The following MDN1 variants were observed in gnomAD, a reference collection of about 807,000 sequenced individuals.
MDN1 encodes the protein midasin.
In MDN1, 266 loss-of-function variants were observed where a neutral mutation model predicts 669.2. That is an observed-to-expected ratio of 0.40 (90% confidence interval 0.36 to 0.44). The LOEUF is 0.44. Among genes scored for constraint, MDN1 ranks in the 20% least tolerant of loss-of-function variants. The pLI, the probability that MDN1 is intolerant of heterozygous loss-of-function variation, is 1.00. For synonymous variants in MDN1, 2,385 were observed against 2,457.1 expected (o/e 0.97, Z 0.87); for missense variants, 5,940 against 6,754.0 (o/e 0.88, Z 4.22).
At chr6:89,791,715 T>C (rs1019106698) in intron 5 of MDN1, among the ~76,000 whole-genome samples, 2 of 152,098 alleles carry the variant, frequency 1.3e-5, no homozygotes, top group Non-Finnish European at 2.9e-5. Context: ...CTTACACCTG[T>C]AATCCCAGCA....
intron 14 of MDN1, 60 bp from the exon 15 acceptor site, chr6:89,771,681 T>A: frequency 7.1e-7 from 1 of 1,403,904 alleles, no homozygotes; most frequent in Non-Finnish European, 1.0e-6. Context: ...TAATATCCAG[T>A]GTGCTCCTTA....
At position 89,675,462 on chromosome 6, in the gene MDN1, A is replaced by G; in HGVS notation, c.12761+2T>C. 6.2e-7 allele frequency: 1 copy of G among 1,612,404 alleles called. No individual in the cohort carries two copies. Reference sequence around the variant, plus strand: ...CCACAAGCCCAACTCATCAGCTGATACCTGAGGATGATCCACTGCTCACTG... The same window carrying G: ...CCACAAGCCCAACTCATCAGCTGATGCCTGAGGATGATCCACTGCTCACTG... On this transcript the variant is annotated splice_donor_variant, in intron 78 of 101. Coordinates refer to ENST00000369393, the MANE Select transcript of MDN1 (RefSeq NM_014611.3). LOFTEE classifies it high-confidence loss of function.
intron 99 of MDN1, 32 bp downstream of exon 99, chr6:89,648,000 T>G (rs542922459): frequency 3.3e-6 from 5 of 1,498,002 alleles, no homozygotes; most frequent in Non-Finnish European, 4.7e-6. Context: ...TAAAAATAAC[T>G]GTGCAGAAGA....
chr6:89,795,341 G>A (rs898760089), intron 2 of MDN1, among the ~76,000 whole-genome samples: 2 of 152,002 alleles, frequency 1.3e-5, no homozygotes, highest in African/African-American at 4.8e-5. Context: ...ACACACACGA[G>A]TCAACTGAAT....
intron 19 of MDN1, 98 bp downstream of exon 19, chr6:89,758,157 C>T (rs556906145): frequency 1.1e-6 from 1 of 908,574 alleles, no homozygotes; most frequent in Non-Finnish European, 1.7e-6. Flanking sequence ...GAACCGGGGA[C>T]TTGCAGTGAG....
At position 89,695,750 on chromosome 6, in the gene MDN1, T is replaced by A; in HGVS notation, c.9626A>T (p.Glu3209Val). Residue 3209 changes from glutamate to valine, a missense_variant, in exon 61 of 102, where the codon GAG (glutamate) becomes GTG (valine). Coordinates refer to ENST00000369393, the MANE Select transcript of MDN1 (RefSeq NM_014611.3). This position sits in a 1 kb window ranked among gnomAD's most constrained non-coding sequence, Gnocchi z 4.1. ...TGGCTCAGGCAGGCTCCTCTTACTC[T>A]CCCCTTCACCAACAAAGTGGTGCAG... ...TSLHHFVGEGESKRSLPEPAQ... is the reference protein window; with the variant it reads ...TSLHHFVGEGVSKRSLPEPAQ... 3 of 1,613,570 alleles carry A rather than the reference T, an allele frequency of 1.9e-6. No individual in the cohort carries two copies. Among genetic ancestry groups the A allele is most frequent in the Non-Finnish European group, 2.5e-6 (3 of 1,179,958 alleles).
chr6:89,750,962 A>G (rs921592230), intron 23 of MDN1, among the ~76,000 whole-genome samples: 9 of 137,554 alleles, frequency 6.5e-5, no homozygotes, highest in African/African-American at 2.6e-4. Context: ...CAGCATCATT[A>G]AAAGAGCATT....
At chr6:89,697,913 A>G (rs560115374) in intron 59 of MDN1, among the ~76,000 whole-genome samples, 2 of 152,302 alleles carry the variant, frequency 1.3e-5, no homozygotes, top group Non-Finnish European at 2.9e-5. Flanking sequence ...AAGCACAACT[A>G]TGACTCGAAA....
At position 89,677,565 on chromosome 6, in the gene MDN1, C is replaced by A; in HGVS notation, c.12539+5G>T. The A allele has an allele frequency of 6.2e-7, 1 of 1,613,282 alleles. No individual in the cohort carries two copies. Among genetic ancestry groups the A allele is most frequent in the Non-Finnish European group, 8.5e-7 (1 of 1,179,770 alleles). On this transcript the variant is annotated splice_donor_5th_base_variant and intron_variant, in intron 76 of 101. Coordinates refer to ENST00000369393, the MANE Select transcript of MDN1 (RefSeq NM_014611.3). ...AGGGAAAAAACAAAACAAAAACAGA[C>A]AAACCTAGAATCAGCCTCCTGAGTG... is the stretch of plus-strand genomic sequence containing the variant.
At position 89,790,304 on chromosome 6, in the gene MDN1, G is replaced by T; in HGVS notation, c.953C>A (p.Ala318Glu). ...CAACACAGCATTCTGAGAAGCAACC[G>T]CCATAGCCAGGGTCTGAAGACTTTT... The part of the protein sequence containing the change: ...VCKSLQTLAM[A>E]VASQNAVLLE... Residue 318 changes from alanine (A) to glutamate (E), a missense_variant, in exon 6 of 102, where the codon GCG (alanine) becomes GAG (glutamate). Physicochemically the swap from Ala to Glu is moderately radical, Grantham distance 107 (BLOSUM62 -1). Transcript: ENST00000369393. The T allele has an allele frequency of 1.9e-6, 3 of 1,614,100 alleles. No individual in the cohort carries two copies. Among genetic ancestry groups the T allele is most frequent in the Non-Finnish European group, 2.5e-6 (3 of 1,180,008 alleles).
intron 62 of MDN1, 49 bp from the exon 63 acceptor site, chr6:89,693,197 C>A: frequency 1.5e-6 from 2 of 1,355,582 alleles, no homozygotes; most frequent in South Asian, 1.4e-5. Flanking sequence ...AGAAGAGCAG[C>A]AAATCTAGAT....
At chr6:89,760,732 C>A (rs1817499515) in intron 17 of MDN1, among the ~76,000 whole-genome samples, 1 of 152,074 alleles carries the variant, frequency 6.6e-6, no homozygotes, top group African/African-American at 2.4e-5. Flanking sequence ...CTAAGTGAAA[C>A]AAGCCAGGCA....
intron 61 of MDN1, 102 bp from the exon 62 acceptor site, chr6:89,694,285 T>C: frequency 1.0e-6 from 1 of 978,366 alleles, no homozygotes; most frequent in Non-Finnish European, 1.6e-6. Context: ...GGAAGGAATC[T>C]GGGTTCCTGA....
At chr6:89,811,627 G>A (rs1430905431) in intron 1 of MDN1, among the ~76,000 whole-genome samples, 1 of 151,868 alleles carries the variant, frequency 6.6e-6, no homozygotes, top group Non-Finnish European at 1.5e-5. Context: ...TGTATTTTTA[G>A]TAGAGATGGG....
intron 4 of MDN1, 65 bp from the exon 5 acceptor site, chr6:89,794,019 T>C (rs538399899): frequency 3.5e-6 from 5 of 1,448,044 alleles, no homozygotes; most frequent in Admixed American, 1.9e-5. Flanking sequence ...AGACCTGCAG[T>C]CACCTCTGGC....
At chr6:89,792,650 T>C (rs1562224499) in intron 5 of MDN1, among the ~76,000 whole-genome samples, 1 of 151,554 alleles carries the variant, frequency 6.6e-6, no homozygotes, top group Non-Finnish European at 1.5e-5. Flanking sequence ...AATGTGCATT[T>C]TCCTATATGT....
Position 89,658,670 on chromosome 6 carries a change from G to T in MDN1, c.14961C>A (p.Asp4987Glu). The T allele has an allele frequency of 1.2e-6, 2 of 1,613,732 alleles. No individual in the cohort carries two copies. Among genetic ancestry groups the T allele is most frequent in the East Asian group, 2.2e-5 (1 of 44,876 alleles). The change falls in exon 89 of 102, where the codon GAC becomes GAA. Residue 4987 changes from aspartate (D) to glutamate (E), a missense_variant. This residue lies in a region of MDN1 where 2,280 missense variants were observed against 2,576.3 expected (regional missense o/e 0.88). Transcript: ENST00000369393. ...EEQQQSVEEK[D>E]KEADEEGGEN... ...CTCCACCTTCTTCATCGGCTTCCTT[G>T]TCTTTTTCCTCCACAGACTGCTGCT...
In MDN1 at chr6:89,655,944, C is replaced by G. The variant is rs775363627; in HGVS notation, c.15310G>C (p.Ala5104Pro). Residue 5104 changes from alanine to proline, a missense_variant, in exon 92 of 102, where the codon GCT (alanine) becomes CCT (proline). By Grantham distance (27) the Ala-to-Pro change is conservative. This residue lies in a region of MDN1 where 2,280 missense variants were observed against 2,576.3 expected (regional missense o/e 0.88). Transcript: ENST00000369393. ...TQSFKRKPGQ[A>P]DNERSMGDHN... is the part of the protein sequence containing the mutation. ...TCACCCATGGAACGTTCATTGTCAG[C>G]CTGCCCAGGTTTCCTCTTAAAACTC... 6.2e-7 allele frequency: 1 copy of G among 1,613,898 alleles called. No individual in the cohort carries two copies. Among genetic ancestry groups the G allele is most frequent in the Non-Finnish European group, 8.5e-7 (1 of 1,180,012 alleles).
intron 12 of MDN1, among the ~76,000 whole-genome samples, chr6:89,775,047 A>G (rs796377583): frequency 1.2e-4 from 19 of 152,232 alleles, no homozygotes; most frequent in African/African-American, 4.6e-4. Context: ...AAGAAAAAAA[A>G]ATCAGAGAAA....
Sources: allele counts gnomAD v4.1 joint callset (sites outside exome capture counted in the v4.1 genomes callset), GRCh38; gene constraint gnomAD v4.1.1; regional missense constraint gnomAD v4.1.1; non-coding constraint Gnocchi (gnomAD v3.1); transcripts MANE v1.5; gene names NCBI Gene and HGNC (gene_info 2026-07-23, HGNC 2026-07-21).